Variants in IGSF9 observed in about 807,000 individuals in gnomAD.
The protein encoded by IGSF9 is immunoglobulin superfamily member 9.
IGSF9 carries 87 observed loss-of-function variants against 121.7 expected under a neutral mutation model. The ratio of observed to expected loss-of-function variants is 0.71; its 90% CI spans 0.60 to 0.85. IGSF9 has a LOEUF of 0.85. IGSF9 is among the 40% of genes least tolerant of loss of function. The probability of loss-of-function intolerance (pLI) is 0.00; values close to 1 mark genes in which losing one functional copy is unlikely to be tolerated. For missense variants in IGSF9, 1,462 were observed against 1,565.3 expected (o/e 0.93, Z 1.11); for synonymous variants, 640 against 648.4 (o/e 0.99, Z 0.20).
intron 1 of IGSF9, among the ~76,000 whole-genome samples, 162 bp downstream of exon 1, chr1:159,945,411 A>G (rs781220763): frequency 6.9e-5 from 10 of 145,366 alleles, no homozygotes; most frequent in Non-Finnish European, 1.4e-4. Flanking sequence ...GGGAACTCCC[A>G]CCCACCCGCC....
chr1:159,930,514 C>T (rs1489209327), intron 14 of IGSF9, 75 bp from the exon 15 acceptor site: 12 of 1,518,284 alleles, frequency 7.9e-6, no homozygotes, highest in African/African-American at 2.8e-5. Flanking sequence ...ACTCCCAGTG[C>T]CCAACTCTTC....
At position 159,927,440 on chromosome 1, in the gene IGSF9, A is replaced by T; in HGVS notation, c.3445T>A (p.Phe1149Ile). Reference sequence around the variant, plus strand: ...TCTCGGCGGCGGCGGAAGGCCAGGAATTCCTCCCGAAGGGCAGCACAGCGG... The same window carrying T: ...TCTCGGCGGCGGCGGAAGGCCAGGATTTCCTCCCGAAGGGCAGCACAGCGG... ...EARCAALREE[F>I]LAFRRRRDAT... is the part of the protein sequence containing the mutation. Residue 1149 changes from phenylalanine (F) to isoleucine (I), a missense_variant, in exon 21 of 21, where the codon TTC becomes ATC. Around this residue, in one of 3 missense-constraint regions of IGSF9, gnomAD observed 808 missense variants for 815.2 expected, o/e 0.99. Coordinates refer to ENST00000368094, the MANE Select transcript of IGSF9 (RefSeq NM_001135050.2). The T allele has an allele frequency of 6.2e-7, 1 of 1,614,022 alleles. No homozygotes were observed.
Position 159,931,128 on chromosome 1 carries a change from G to A in IGSF9, c.1637+10C>T. The A allele has an allele frequency of 6.2e-7, 1 of 1,614,096 alleles. No individual in the cohort carries two copies. Among genetic ancestry groups the A allele is most frequent in the Non-Finnish European group, 8.5e-7 (1 of 1,179,990 alleles). On this transcript the variant is annotated intron_variant, in intron 13 of 20. Coordinates refer to ENST00000368094, the MANE Select transcript of IGSF9 (RefSeq NM_001135050.2). The surrounding 1 kb of genome is among the most constrained non-coding windows in gnomAD (Gnocchi z 4.8). Reference sequence around the variant, plus strand: ...TTGGCACAGAGAAATGGCAGGAGCAGGTCACTCACAGTGGGGTGTACCAGA... The same window carrying A: ...TTGGCACAGAGAAATGGCAGGAGCAAGTCACTCACAGTGGGGTGTACCAGA...
intron 20 of IGSF9, 101 bp from the exon 21 acceptor site, chr1:159,927,627 AG>A: frequency 3.3e-6 from 5 of 1,537,256 alleles, no homozygotes; most frequent in Non-Finnish European, 4.4e-6. Context: ...AGATGGCCCA[AG>A]GGGGCAAGGC....
chr1:159,932,852 G>C lies in IGSF9; in HGVS notation c.1105-200C>G, dbSNP rs1443197061. The C allele has an allele frequency of 3.6e-6, 2 of 555,474 alleles. No individual in the cohort carries two copies. Among genetic ancestry groups the C allele is most frequent in the East Asian group, 6.4e-5 (2 of 31,332 alleles). The allele number at this position is 555,474 out of a possible 1,614,324, so 34.4% of individuals were successfully genotyped here. On this transcript the variant is annotated intron_variant, in intron 9 of 20. Transcript: ENST00000368094. The surrounding 1 kb of genome is among the most constrained non-coding windows in gnomAD (Gnocchi z 4.1). The stretch of plus-strand genomic sequence containing the variant: ...GAGGGACCCCTCCCAATAGTGTGAG[G>C]CTGTGACTGCACAACTCCAGGGGGT...
intron 9 of IGSF9, chr1:159,933,957 ATC>A (rs1244867053): frequency 1.9e-5 from 11 of 564,312 alleles, no homozygotes; most frequent in Admixed American, 3.4e-5. Context: ...CCCAGAGATC[ATC>A]TCTCTTCTTT....
intron 1 of IGSF9, among the ~76,000 whole-genome samples, chr1:159,944,501 A>G (rs1427177088): frequency 6.7e-6 from 1 of 149,454 alleles, no homozygotes; most frequent in East Asian, 2.0e-4. Flanking sequence ...CCTCCCACTC[A>G]CTCCCCTCCA....
chr1:159,933,901 C>CGAAA (rs1460144874), intron 9 of IGSF9: 19 of 451,832 alleles, frequency 4.2e-5, no homozygotes, highest in Non-Finnish European at 7.2e-5. Flanking sequence ...AGTCATCACA[C>CGAAA]GAAAGAAACT....
At position 159,928,968 on chromosome 1, in the gene IGSF9, T is replaced by C; in HGVS notation, c.2420A>G (p.Gln807Arg). 1 of 1,521,356 alleles carries C rather than the reference T, an allele frequency of 6.6e-7. No individual in the cohort carries two copies. The highest frequency in any genetic ancestry group is 8.8e-7 in the Non-Finnish European group (1 of 1,136,692). The allele number at this position is 1,521,356 out of a possible 1,614,324, so 94.2% of individuals were successfully genotyped here. ...SPDSVAKLKL[Q>R]GSPVPSLRQS... Reference sequence around the variant, plus strand: ...GCGCAGGCTGGGGACTGGGGATCCCTGGAGCTTCAGCTTCGCCACGCTGTC... The same window carrying C: ...GCGCAGGCTGGGGACTGGGGATCCCCGGAGCTTCAGCTTCGCCACGCTGTC... Residue 807 changes from glutamine (Q) to arginine (R), a missense_variant, in exon 19 of 21, where the codon CAG becomes CGG. By Grantham distance (43) the Gln-to-Arg change is conservative. Around this residue, in one of 3 missense-constraint regions of IGSF9, gnomAD observed 808 missense variants for 815.2 expected, o/e 0.99. Transcript: ENST00000368094.
At chr1:159,927,945 C>A in intron 19 of IGSF9, 58 bp from the exon 20 acceptor site, 1 of 1,577,626 alleles carries the variant, frequency 6.3e-7, no homozygotes, top group South Asian at 1.2e-5. Flanking sequence ...AGAGGCTGTT[C>A]AGAAAAGTCT....
chr1:159,928,227 T>G lies in IGSF9; in HGVS notation c.3161A>C (p.Asp1054Ala), dbSNP rs977316100. The G allele has an allele frequency of 6.2e-6, 10 of 1,612,958 alleles. No homozygotes were observed. In the African/African-American group the frequency reaches 1.3e-4, roughly 22 times the overall value. ...GGSYLSPAPG[D>A]TSSWASGPER... is the part of the protein sequence containing the mutation. ...AGGGCCACTGGCCCAGCTGCTGGTG[T>G]CTCCTGGAGCAGGGCTGAGGTAGCT... The change falls in exon 19 of 21, where the codon GAC (aspartate) becomes GCC (alanine). Residue 1054 changes from aspartate to alanine, a missense_variant. Asp to Ala is a moderately radical substitution (Grantham distance 126). This residue lies in a region of IGSF9 where 808 missense variants were observed against 815.2 expected (regional missense o/e 0.99). Coordinates refer to ENST00000368094, the MANE Select transcript of IGSF9 (RefSeq NM_001135050.2).
chr1:159,928,041 A>G, intron 19 of IGSF9, 117 bp downstream of exon 19: 2 of 1,489,624 alleles, frequency 1.3e-6, no homozygotes, highest in Non-Finnish European at 1.8e-6. Context: ...AAAAGGGACA[A>G]GTTTTCCCGT....
intron 6 of IGSF9, 63 bp downstream of exon 6, chr1:159,936,336 G>T: frequency 7.0e-7 from 1 of 1,421,604 alleles, no homozygotes; most frequent in Non-Finnish European, 9.9e-7. Flanking sequence ...AACCAATTCA[G>T]CCACAGGTCA....
In IGSF9 at chr1:159,928,592, G is replaced by A. The variant is rs1173842147; in HGVS notation, c.2796C>T (p.Phe932=). Residue 932 remains phenylalanine (F), a synonymous_variant, in exon 19 of 21, where the codon TTC becomes TTT. Transcript: ENST00000368094. The part of the protein sequence containing the change: ...PLLQYLSLPF[F]REMNVDGDWP... ...AGTCCCCATCCACATTCATCTCTCGGAAGAAGGGCAGGCTCAGGTACTGGA... is the reference window on the plus strand; with the variant it reads ...AGTCCCCATCCACATTCATCTCTCGAAAGAAGGGCAGGCTCAGGTACTGGA... 1 of 1,511,654 alleles carries A rather than the reference G, an allele frequency of 6.6e-7. No homozygotes were observed. The highest frequency in any genetic ancestry group is 8.9e-7 in the Non-Finnish European group (1 of 1,128,588). The allele number at this position is 1,511,654 out of a possible 1,614,324, so 93.6% of individuals were successfully genotyped here.
chr1:159,945,312 C>T (rs1055808176), intron 1 of IGSF9, among the ~76,000 whole-genome samples: 1 of 151,760 alleles, frequency 6.6e-6, no homozygotes, highest in Non-Finnish European at 1.5e-5. Context: ...CTTTCTCCCT[C>T]GCATTCTCTG....
At chr1:159,941,898 G>T (rs1256395696) in intron 3 of IGSF9, among the ~76,000 whole-genome samples, 2 of 152,198 alleles carry the variant, frequency 1.3e-5, no homozygotes, top group African/African-American at 4.8e-5. Flanking sequence ...GCCAATAACT[G>T]CCCCCAGTTT....
intron 3 of IGSF9, 33 bp downstream of exon 3, chr1:159,942,930 C>A: frequency 1.9e-6 from 3 of 1,591,784 alleles, no homozygotes; most frequent in Non-Finnish European, 2.6e-6. Context: ...CTTGCTGATA[C>A]CTCCCTACCT....
chr1:159,934,992 A>C (rs977270057), intron 6 of IGSF9, among the ~76,000 whole-genome samples, 170 bp from the exon 7 acceptor site: 1 of 152,168 alleles, frequency 6.6e-6, no homozygotes, highest in African/African-American at 2.4e-5. Flanking sequence ...ACAAGAATTC[A>C]TCCTCTCCCT....
chr1:159,928,253 G>A lies in IGSF9; in HGVS notation c.3135C>T (p.Gly1045=), dbSNP rs752030892. The A allele has an allele frequency of 3.0e-5, 48 of 1,612,996 alleles. No individual in the cohort carries two copies. Among genetic ancestry groups the A allele is most frequent in the Non-Finnish European group, 3.9e-5 (46 of 1,179,896 alleles). The change falls in exon 19 of 21, where the codon GGC becomes GGT. Residue 1045 remains glycine (G), a synonymous_variant. Coordinates refer to ENST00000368094, the MANE Select transcript of IGSF9 (RefSeq NM_001135050.2). ...RPPSTAPSAG[G]SYLSPAPGDT... ...CTCCTGGAGCAGGGCTGAGGTAGCT[G>A]CCTCCTGCAGAGGGGGCTGTGGAGG...
Sources: gnomAD v4.1 joint callset for allele counts (sites outside exome capture counted in the v4.1 genomes callset) on GRCh38, gnomAD v4.1.1 for gene constraint, gnomAD v4.1.1 regional missense constraint, Gnocchi (gnomAD v3.1) non-coding constraint, MANE v1.5 for transcripts, NCBI Gene and HGNC (gene_info 2026-07-23, HGNC 2026-07-21) for gene names.